MYO6: variants seen among roughly 807,000 people sequenced by gnomAD.
MYO6 encodes unconventional myosin-VI.
A neutral mutation model predicts 178.7 loss-of-function variants in MYO6; 74 were observed. The ratio of observed to expected loss-of-function variants is 0.41; its 90% confidence interval spans 0.34 to 0.50. The LOEUF is 0.50. Among genes scored for constraint, MYO6 ranks in the 20% least tolerant of loss-of-function variants. The pLI is 0.09. For missense variants in MYO6, 1,330 were observed against 1,547.4 expected (o/e 0.86, Z 2.36); for synonymous variants, 477 against 504.6 (o/e 0.95, Z 0.73).
At chr6:75,774,583 T>C (rs1766196314) in intron 1 of MYO6, among the ~76,000 whole-genome samples, 1 of 152,298 alleles carries the variant, frequency 6.6e-6, no homozygotes, top group South Asian at 2.1e-4. Flanking sequence ...GTGTTTTTAC[T>C]TTTCATGTAA....
chr6:75,891,955 C>G (rs1778934218), intron 27 of MYO6, among the ~76,000 whole-genome samples: 1 of 150,290 alleles, frequency 6.7e-6, no homozygotes, highest in Non-Finnish European at 1.5e-5. Flanking sequence ...CTGTGTAGAT[C>G]AATAAATATT....
chr6:75,860,859 G>A (rs1406179760), intron 14 of MYO6, among the ~76,000 whole-genome samples, 164 bp from the exon 15 acceptor site: 7 of 152,168 alleles, frequency 4.6e-5, no homozygotes, highest in Non-Finnish European at 8.8e-5. Flanking sequence ...GTGCCTGTCT[G>A]CAAGTGTTCA....
intron 20 of MYO6, 116 bp from the exon 21 acceptor site, chr6:75,879,704 A>G (rs1158890586): frequency 7.1e-7 from 1 of 1,410,336 alleles, no homozygotes; most frequent in East Asian, 2.3e-5. Flanking sequence ...TTAGTTGCTG[A>G]TAATTCTCAT....
At chr6:75,827,235 G>A (rs912987104) in intron 3 of MYO6, among the ~76,000 whole-genome samples, 2 of 152,198 alleles carry the variant, frequency 1.3e-5, no homozygotes, top group East Asian at 3.8e-4. Flanking sequence ...AGTTGTAGTG[G>A]TGGTGGTGAG....
intron 1 of MYO6, among the ~76,000 whole-genome samples, chr6:75,788,770 C>T (rs995896037): frequency 6.6e-6 from 1 of 152,064 alleles, no homozygotes; most frequent in Non-Finnish European, 1.5e-5. Context: ...GCCATTTGAG[C>T]TAAAGCGTAG....
Position 75,886,989 on chromosome 6 carries a change from A to G in MYO6, c.2653A>G (p.Ile885Val). Reference sequence around the variant, plus strand: ...TTCTATTGATACTTTGATGGCCAAAATTAAGGTATGTAATTTCAACCCGAA... The same window carrying G: ...TTCTATTGATACTTTGATGGCCAAAGTTAAGGTATGTAATTTCAACCCGAA... ...EISIDTLMAKIKSTMMTQEQI... is the reference protein window; with the variant it reads ...EISIDTLMAKVKSTMMTQEQI... The change falls in exon 25 of 35, where the codon ATT (isoleucine) becomes GTT (valine). Residue 885 changes from isoleucine (I) to valine (V), a missense_variant. Coordinates refer to ENST00000369977, the MANE Select transcript of MYO6 (RefSeq NM_004999.4). The G allele has an allele frequency of 6.2e-7, 1 of 1,612,828 alleles. No homozygotes were observed. Among genetic ancestry groups the G allele is most frequent in the South Asian group, 1.1e-5 (1 of 91,030 alleles).
rs995577835 is a variant in MYO6 at position 75,915,919 on chromosome 6, G to C, written c.*907G>C. The C allele has an allele frequency of 4.6e-5, 7 of 152,496 alleles. No individual in the cohort carries two copies. The highest frequency in any genetic ancestry group is 1.7e-4 in the African/African-American group (7 of 41,416). The allele number at this position is 152,496 out of a possible 1,614,324, so 9.4% of individuals were successfully genotyped here. On this transcript the variant is annotated 3_prime_UTR_variant, in exon 35 of 35. Coordinates refer to ENST00000369977, the MANE Select transcript of MYO6 (RefSeq NM_004999.4). ...GTTTCATTGATTTAGTAAGTGTTCT[G>C]CTTCCAACATCTTTCTTTTTAAGAA...
At chr6:75,827,442 T>G (rs1772596300) in intron 3 of MYO6, among the ~76,000 whole-genome samples, 2 of 152,186 alleles carry the variant, frequency 1.3e-5, no homozygotes, top group Admixed American at 1.3e-4. Context: ...AGGTCATGAA[T>G]GTAGGTTTAT....
intron 3 of MYO6, among the ~76,000 whole-genome samples, 198 bp from the exon 4 acceptor site, chr6:75,828,340 CTG>C (rs1772694545): frequency 6.6e-6 from 1 of 152,128 alleles, no homozygotes; most frequent in East Asian, 1.9e-4. Flanking sequence ...AAAAATATCA[CTG>C]TAACACACAT....
rs891229782 is a variant in MYO6 at position 75,821,640 on chromosome 6, AAC to A, written c.118-1127_118-1126del. Among the ~76,000 whole-genome samples, 33 of 109,328 alleles carry A rather than the reference AAC, an allele frequency of 3.0e-4. No homozygotes were observed. In the South Asian group the frequency reaches 6.8e-3, roughly 22 times the overall value. 71.7% of individuals were successfully genotyped at this position (109,328 alleles called of 152,430 possible). On this transcript the variant is annotated intron_variant, in intron 2 of 34. Coordinates refer to ENST00000369977, the MANE Select transcript of MYO6 (RefSeq NM_004999.4). Reference sequence around the variant, plus strand: ...TTGTAGCTTTACACACACACACACAAACACACACACACACACCCCTATAAATA... The same window carrying A: ...TTGTAGCTTTACACACACACACACAAACACACACACACACCCCTATAAATA...
At chr6:75,874,648 GT>G (rs1369254803) in intron 20 of MYO6, among the ~76,000 whole-genome samples, 5 of 152,112 alleles carry the variant, frequency 3.3e-5, no homozygotes, top group Admixed American at 2.6e-4. Context: ...CTTCAGCATT[GT>G]TTATGTTTGT....
At chr6:75,759,166 G>A (rs762271033) in intron 1 of MYO6, among the ~76,000 whole-genome samples, 1 of 152,096 alleles carries the variant, frequency 6.6e-6, no homozygotes, top group Admixed American at 6.5e-5. Flanking sequence ...CACAGCGCCC[G>A]GCCGTTTCTA....
chr6:75,905,402 CG>C (rs1273214137), intron 30 of MYO6, among the ~76,000 whole-genome samples: 4 of 152,120 alleles, frequency 2.6e-5, no homozygotes, highest in Admixed American at 2.6e-4. Context: ...GAGCCATGTG[CG>C]GGATATAATC....
intron 1 of MYO6, among the ~76,000 whole-genome samples, chr6:75,756,435 C>A (rs1172704708): frequency 6.6e-6 from 1 of 152,086 alleles, no homozygotes; most frequent in Non-Finnish European, 1.5e-5. Context: ...CGGGTTCAAG[C>A]GATTCCCCTG....
intron 7 of MYO6, among the ~76,000 whole-genome samples, chr6:75,837,850 A>G (rs1421666881): frequency 6.6e-6 from 1 of 152,134 alleles, no homozygotes; most frequent in Non-Finnish European, 1.5e-5. Context: ...GTTCTTAAAA[A>G]CTGAATAAAT....
At chr6:75,879,395 C>G (rs1186762941) in intron 20 of MYO6, among the ~76,000 whole-genome samples, 5 of 151,444 alleles carry the variant, frequency 3.3e-5, no homozygotes, top group African/African-American at 9.7e-5. Context: ...CAGGCATGCA[C>G]TAGCATGCCT....
chr6:75,915,431 C>G lies in MYO6; in HGVS notation c.*419C>G, dbSNP rs1781070911. ...AGCTTACATTCTTACAATAACTAAACCACTTAAAATGATCAAGGCACTAAT... is the reference window on the plus strand; with the variant it reads ...AGCTTACATTCTTACAATAACTAAAGCACTTAAAATGATCAAGGCACTAAT... On this transcript the variant is annotated 3_prime_UTR_variant, in exon 35 of 35. Transcript: ENST00000369977. The G allele has an allele frequency of 1.0e-5, 2 of 191,232 alleles. No individual in the cohort carries two copies. The highest frequency in any genetic ancestry group is 2.2e-5 in the Non-Finnish European group (2 of 90,064). The allele number at this position is 191,232 out of a possible 1,614,324, so 11.8% of individuals were successfully genotyped here.
At chr6:75,830,167 T>A (rs1258716786) in intron 4 of MYO6, among the ~76,000 whole-genome samples, 2 of 152,124 alleles carry the variant, frequency 1.3e-5, no homozygotes, top group Non-Finnish European at 2.9e-5. Flanking sequence ...GAAGAGATAA[T>A]CTTGAGTTTG....
At chr6:75,814,954 A>G (rs887174456) in intron 1 of MYO6, among the ~76,000 whole-genome samples, 4 of 152,084 alleles carry the variant, frequency 2.6e-5, no homozygotes, top group Non-Finnish European at 1.5e-5. Flanking sequence ...TTCATTTACC[A>G]GTGAATATTG....
Sources: allele counts gnomAD v4.1 joint callset (sites outside exome capture counted in the v4.1 genomes callset), GRCh38; gene constraint gnomAD v4.1.1; transcripts MANE v1.5; gene names NCBI Gene and HGNC (gene_info 2026-07-23, HGNC 2026-07-21).